The following ANXA8 variants were observed in gnomAD, a reference collection of about 807,000 sequenced individuals.
The protein encoded by ANXA8 is annexin A8.
ANXA8 carries 9 observed loss-of-function variants against 26.8 expected under a neutral mutation model. That is an observed-to-expected ratio of 0.34 (90% confidence interval 0.20 to 0.59). The LOEUF (loss-of-function observed/expected upper bound fraction) is 0.59, where lower values mean the gene tolerates loss of function less well. ANXA8 is among the 20% of genes least tolerant of loss of function. ANXA8 has a pLI of 0.84. For synonymous variants in ANXA8, 39 were observed against 94.8 expected, an observed-to-expected ratio of 0.41 and a Z score of 3.42; for missense variants, 83 against 238.5, an observed-to-expected ratio of 0.35 and a Z score of 4.29.
At chr10:47,733,287 CTTTCTTTCTTT>C in the ANXA8 span, among the ~76,000 whole-genome samples, 32 of 73,518 alleles carry the variant, frequency 4.4e-4, 2 homozygotes, top group Admixed American at 1.2e-3. Context: ...TTCTTTCTTT[CTTTCTTTCTTT>C]TTTTTCTTTC....
the ANXA8 span, among the ~76,000 whole-genome samples, chr10:47,928,758 T>TTC: frequency 1.8e-4 from 24 of 130,546 alleles, no homozygotes; most frequent in African/African-American, 6.9e-4. Flanking sequence ...CTCTTTTTTT[T>TTC]TTTTTTGTTC....
At chr10:47,496,165 C>A in the ANXA8 span, 1 of 151,806 alleles carries the variant, frequency 6.6e-6, no homozygotes, top group Non-Finnish European at 1.5e-5. Flanking sequence ...GAAGGGAGCC[C>A]CGAATGCTCT....
the ANXA8 span, among the ~76,000 whole-genome samples, chr10:47,604,296 A>G: frequency 6.6e-6 from 1 of 151,968 alleles, no homozygotes; most frequent in African/African-American, 2.4e-5. Flanking sequence ...TATCATATAT[A>G]TATCATAACA....
At chr10:47,772,661 C>G in the ANXA8 span, among the ~76,000 whole-genome samples, 8 of 151,988 alleles carry the variant, frequency 5.3e-5, no homozygotes, top group Admixed American at 2.0e-4. Flanking sequence ...AATCGGTCAA[C>G]CCCAGATTTG....
the ANXA8 span, among the ~76,000 whole-genome samples, chr10:47,557,754 A>G: frequency 6.7e-6 from 1 of 149,008 alleles, no homozygotes; most frequent in Non-Finnish European, 1.5e-5. Flanking sequence ...GATTTTCATA[A>G]ATGTTTTGTT....
At chr10:47,649,705 C>A in the ANXA8 span, among the ~76,000 whole-genome samples, 5 of 149,588 alleles carry the variant, frequency 3.3e-5, no homozygotes, top group Non-Finnish European at 7.4e-5. Flanking sequence ...CTGCGCCTGG[C>A]CCTTAAAATT....
chr10:47,560,685 C>T, the ANXA8 span, among the ~76,000 whole-genome samples: 2 of 152,018 alleles, frequency 1.3e-5, no homozygotes, highest in Non-Finnish European at 2.9e-5. Context: ...TCCATGCAAG[C>T]GGATGGTGCA....
the ANXA8 span, among the ~76,000 whole-genome samples, chr10:47,561,079 T>G: frequency 6.6e-6 from 1 of 151,916 alleles, no homozygotes; most frequent in Non-Finnish European, 1.5e-5. Flanking sequence ...ATTTTTTTAT[T>G]TTTTAAATTG....
chr10:47,743,245 C>CATATATAT, the ANXA8 span, among the ~76,000 whole-genome samples: 1 of 94,652 alleles, frequency 1.1e-5, no homozygotes, highest in Non-Finnish European at 2.1e-5. Context: ...CAACAGGCTT[C>CATATATAT]ATATATATAT....
the ANXA8 span, among the ~76,000 whole-genome samples, chr10:47,729,542 G>A: frequency 7.4e-6 from 1 of 135,696 alleles, no homozygotes; most frequent in Non-Finnish European, 1.6e-5. Context: ...TATACTTTTA[G>A]TATTTTTTAT....
the ANXA8 span, among the ~76,000 whole-genome samples, chr10:47,531,841 C>A: frequency 2.1e-5 from 3 of 141,590 alleles, no homozygotes; most frequent in Middle Eastern, 3.2e-3. Flanking sequence ...ATATAAAATT[C>A]TTCCCCCACC....
At chr10:47,583,701 T>A in the ANXA8 span, among the ~76,000 whole-genome samples, 2 of 146,572 alleles carry the variant, frequency 1.4e-5, no homozygotes, top group Non-Finnish European at 3.0e-5. Context: ...ACAGGAGCCC[T>A]GTGTGCATTT....
the ANXA8 span, among the ~76,000 whole-genome samples, chr10:47,509,197 T>C: frequency 6.3e-5 from 8 of 126,696 alleles, 2 homozygotes; most frequent in Admixed American, 4.8e-4. Flanking sequence ...CTTATCAAAA[T>C]CTTTGGAACT....
chr10:47,981,975 G>A, the ANXA8 span, among the ~76,000 whole-genome samples: 2 of 151,318 alleles, frequency 1.3e-5, no homozygotes, highest in African/African-American at 2.4e-5. Context: ...AAAGAGAGAG[G>A]ACTACACTTC....
chr10:47,484,931 G>A (rs1399353138), upstream of ANXA8, among the ~76,000 whole-genome samples: 4 of 148,392 alleles, frequency 2.7e-5, no homozygotes, highest in Admixed American at 6.7e-5. Context: ...GGCTGGCTCG[G>A]GAGCCAGCCC....
At chr10:47,535,322 C>A in the ANXA8 span, among the ~76,000 whole-genome samples, 5 of 130,540 alleles carry the variant, frequency 3.8e-5, no homozygotes, top group Non-Finnish European at 6.2e-5. Flanking sequence ...AAAATAATAA[C>A]AATGAATGGC....
At chr10:47,743,327 T>TACATATATATATATAC in the ANXA8 span, among the ~76,000 whole-genome samples, 116 of 40,308 alleles carry the variant, frequency 2.9e-3, 15 homozygotes, top group South Asian at 5.1e-3. Context: ...TATATATATA[T>TACATATATATATATAC]ACATATATAT....
At chr10:47,704,690 G>A in the ANXA8 span, among the ~76,000 whole-genome samples, 2 of 152,010 alleles carry the variant, frequency 1.3e-5, no homozygotes, top group Admixed American at 1.3e-4. Flanking sequence ...TAGCAAAGTA[G>A]CTGGATATAA....
the ANXA8 span, among the ~76,000 whole-genome samples, chr10:47,941,808 C>T: frequency 6.8e-6 from 1 of 147,752 alleles, no homozygotes; most frequent in Non-Finnish European, 1.5e-5. Context: ...AGGCCCATGG[C>T]AACTGGAAGC....
Sources: gnomAD v4.1 joint callset for allele counts (sites outside exome capture counted in the v4.1 genomes callset) on GRCh38, gnomAD v4.1.1 for gene constraint, MANE v1.5 for transcripts, NCBI Gene and HGNC (gene_info 2026-07-23, HGNC 2026-07-21) for gene names.